NWD1: variants seen among roughly 807,000 people sequenced by gnomAD.
NWD1 encodes the protein NACHT and WD repeat domain containing 1.
In NWD1, 129 loss-of-function variants were observed where a neutral mutation model predicts 135.1. The observed-to-expected ratio is 0.96, with a 90% CI of 0.83 to 1.11. The LOEUF is 1.11. NWD1 is among the 50% of genes least tolerant of loss of function. The pLI is 0.00. For synonymous variants in NWD1, 773 were observed against 786.0 expected (o/e 0.98, Z 0.28); for missense variants, 1,740 against 1,851.3 (o/e 0.94, Z 1.10).
At chr19:16,745,326 G>A (rs752986608) in intron 5 of NWD1, among the ~76,000 whole-genome samples, 10 of 152,058 alleles carry the variant, frequency 6.6e-5, no homozygotes, top group Non-Finnish European at 1.3e-4. Context: ...TTCAAGATGA[G>A]ATTTGGGTGA....
chr19:16,747,749 C>T (rs183688974), intron 5 of NWD1, among the ~76,000 whole-genome samples: 1 of 152,220 alleles, frequency 6.6e-6, no homozygotes, highest in African/African-American at 2.4e-5. Flanking sequence ...CGCAGGCAAC[C>T]ATCAATCTGC....
rs180941275 is a variant in NWD1 at position 16,722,477 on chromosome 19, C to T, written c.-104-1889C>T. On this transcript the variant is annotated intron_variant, in intron 1 of 18. Coordinates refer to ENST00000524140, the MANE Select transcript of NWD1 (RefSeq NM_001007525.5). ...GCTAATTTTGTATTTTTAGTAGAGGCGGGGTTTCTCCATGTTGGCCAGGCT... is the reference window on the plus strand; with the variant it reads ...GCTAATTTTGTATTTTTAGTAGAGGTGGGGTTTCTCCATGTTGGCCAGGCT... 2.2e-4 allele frequency among the ~76,000 whole-genome samples: 33 copies of T among 151,718 alleles called. No individual in the cohort carries two copies. The East Asian group carries it at 3.8e-3, about 17-fold the overall frequency.
intron 7 of NWD1, among the ~76,000 whole-genome samples, chr19:16,760,097 C>A (rs1171013354): frequency 6.6e-6 from 1 of 151,990 alleles, no homozygotes; most frequent in Non-Finnish European, 1.5e-5. Flanking sequence ...TGAGGCCACA[C>A]TGAGCCGTGA....
intron 12 of NWD1, among the ~76,000 whole-genome samples, chr19:16,780,596 G>A (rs1201946393): frequency 6.6e-6 from 1 of 152,058 alleles, no homozygotes; most frequent in Non-Finnish European, 1.5e-5. Context: ...GGCTAAATAG[G>A]CTTTCTGCCT....
intron 4 of NWD1, among the ~76,000 whole-genome samples, chr19:16,740,960 A>G (rs1248722596): frequency 6.6e-6 from 1 of 152,030 alleles, no homozygotes; most frequent in East Asian, 1.9e-4. Context: ...GGAATTCAAG[A>G]CCAGCCTGGC....
At chr19:16,755,529 C>T (rs1440388332) in intron 6 of NWD1, among the ~76,000 whole-genome samples, 1 of 152,162 alleles carries the variant, frequency 6.6e-6, no homozygotes, top group African/African-American at 2.4e-5. Context: ...GCTGGGATTA[C>T]AGGCGTGCAC....
In NWD1 at chr19:16,749,927, T is replaced by G; in HGVS notation, c.1285T>G (p.Phe429Val). 1.2e-6 allele frequency: 2 copies of G among 1,613,708 alleles called. No homozygotes were observed. The highest frequency in any genetic ancestry group is 1.7e-6 in the Non-Finnish European group (2 of 1,180,016). The change falls in exon 6 of 19, where the codon TTC (phenylalanine) becomes GTC (valine). Residue 429 changes from phenylalanine to valine, a missense_variant. Transcript: ENST00000524140. ...TLLHTVSCRN[F>V]ESLVLLLDAM... ...CCTCCACACTGTCTCTTGCAGAAACTTCGAGTCTCTCGTGCTCCTGCTGGA... is the reference window on the plus strand; with the variant it reads ...CCTCCACACTGTCTCTTGCAGAAACGTCGAGTCTCTCGTGCTCCTGCTGGA...
chr19:16,779,588 G>A (rs1016746640), intron 12 of NWD1, 123 bp downstream of exon 12: 2 of 863,898 alleles, frequency 2.3e-6, no homozygotes, highest in African/African-American at 3.4e-5. Context: ...GCATCACTTA[G>A]CTATAGTTGC....
intron 6 of NWD1, among the ~76,000 whole-genome samples, chr19:16,751,450 G>GAGAGAAAGAAAGGAAGAGAGAAAGAA (rs1265999004): frequency 6.7e-6 from 1 of 148,746 alleles, no homozygotes; most frequent in African/African-American, 2.5e-5. Context: ...GAAGGAAGGA[G>GAGAGAAAGAAAGGAAGAGAGAAAGAA]AGAGAAAGAA....
At position 16,807,799 on chromosome 19, in the gene NWD1, C is replaced by G; in HGVS notation, c.3950C>G (p.Ala1317Gly). 1 of 1,614,116 alleles carries G rather than the reference C, an allele frequency of 6.2e-7. No homozygotes were observed. Among genetic ancestry groups the G allele is most frequent in the Non-Finnish European group, 8.5e-7 (1 of 1,180,006 alleles). The part of the protein sequence containing the change: ...LSKCEDRLAI[A>G]YDNIVLVLDI... ...AAGTGCGAGGACCGCCTGGCCATCG[C>G]CTATGACAACATCGTCCTGGTGCTG... is the stretch of plus-strand genomic sequence containing the variant. The change falls in exon 18 of 19, where the codon GCC (alanine) becomes GGC (glycine). Residue 1317 changes from alanine to glycine, a missense_variant. Transcript: ENST00000524140.
chr19:16,749,478 C>G lies in NWD1; in HGVS notation c.836C>G (p.Thr279Arg), dbSNP rs1968465517. ...FVVRANHQVL[T>R]RLRELDTAGQ... The stretch of plus-strand genomic sequence containing the variant: ...GTGAGGGCCAATCACCAGGTCCTCA[C>G]ACGCCTCCGTGAGCTGGATACGGCC... Residue 279 changes from threonine (T) to arginine (R), a missense_variant, in exon 6 of 19, where the codon ACA becomes AGA. Transcript: ENST00000524140. The G allele has an allele frequency of 2.5e-6, 4 of 1,612,228 alleles. No homozygotes were observed. The highest frequency in any genetic ancestry group is 3.4e-6 in the Non-Finnish European group (4 of 1,178,596).
chr19:16,767,798 A>G (rs1969279612), intron 10 of NWD1, among the ~76,000 whole-genome samples: 1 of 151,660 alleles, frequency 6.6e-6, no homozygotes, highest in East Asian at 1.9e-4. Context: ...ATCTCTCCCC[A>G]TTCTCCCTTC....
intron 16 of NWD1, 40 bp from the exon 17 acceptor site, chr19:16,799,846 C>T (rs1970540894): frequency 6.5e-7 from 1 of 1,543,586 alleles, no homozygotes; most frequent in African/African-American, 1.4e-5. Context: ...TAGTTGTCCA[C>T]AGAAGATGTC....
rs546441999 is a variant in NWD1, at chr19:16,759,496, G to A, written c.1973+68G>A. 27 of 1,197,978 alleles carry A rather than the reference G, an allele frequency of 2.3e-5. No individual in the cohort carries two copies. In the South Asian group the frequency reaches 2.5e-4, roughly 11 times the overall value. The allele number at this position is 1,197,978 out of a possible 1,614,324, so 74.2% of individuals were successfully genotyped here. On this transcript the variant is annotated intron_variant, in intron 7 of 18. Transcript: ENST00000524140. Reference sequence around the variant, plus strand: ...CCCCAAGAATGAGGACTCACTGGCCGGGGGTCTTCTCAGTATCAGATCCTT... The same window carrying A: ...CCCCAAGAATGAGGACTCACTGGCCAGGGGTCTTCTCAGTATCAGATCCTT...
chr19:16,783,152 C>T lies in NWD1; in HGVS notation c.2731+3687C>T, dbSNP rs140860635. 1.5e-3 allele frequency among the ~76,000 whole-genome samples: 229 copies of T among 152,074 alleles called. 1 individual carries two copies. Among genetic ancestry groups the T allele is most frequent in the African/African-American group, 5.1e-3 (210 of 41,518 alleles). On this transcript the variant is annotated intron_variant, in intron 12 of 18. Coordinates refer to ENST00000524140, the MANE Select transcript of NWD1 (RefSeq NM_001007525.5). The stretch of plus-strand genomic sequence containing the variant: ...GTTCAAGCAATCCTCCCACCTCAGC[C>T]TCCTGAAGAGCTAGGAGCACAGGTG...
intron 10 of NWD1, 26 bp downstream of exon 10, chr19:16,765,218 G>A (rs926110651): frequency 6.2e-7 from 1 of 1,611,358 alleles, no homozygotes; most frequent in Non-Finnish European, 8.5e-7. Flanking sequence ...CTGGATAGGA[G>A]TGACCAGGAC....
At chr19:16,787,767 T>C (rs1027713310) in intron 12 of NWD1, among the ~76,000 whole-genome samples, 1 of 148,988 alleles carries the variant, frequency 6.7e-6, no homozygotes, top group African/African-American at 2.5e-5. Flanking sequence ...AGCTGAGGCA[T>C]GAGAATTGCT....
At chr19:16,761,375 T>TCTTTCTTTCTTTCTTTC in intron 7 of NWD1, among the ~76,000 whole-genome samples, 1 of 151,946 alleles carries the variant, frequency 6.6e-6, no homozygotes, top group African/African-American at 2.4e-5. Flanking sequence ...TTTCCTTCTT[T>TCTTTCTTTCTTTCTTTC]CTCTTTTTTT....
intron 17 of NWD1, among the ~76,000 whole-genome samples, chr19:16,805,524 G>C (rs954050946): frequency 6.6e-6 from 1 of 151,992 alleles, no homozygotes; most frequent in African/African-American, 2.4e-5. Flanking sequence ...AGAGGCAGGG[G>C]TCTCACTCTT....
Sources: allele counts gnomAD v4.1 joint callset (sites outside exome capture counted in the v4.1 genomes callset), GRCh38; gene constraint gnomAD v4.1.1; transcripts MANE v1.5; gene names NCBI Gene and HGNC (gene_info 2026-07-23, HGNC 2026-07-21).